Variants in NAALADL2 observed in about 807,000 individuals in gnomAD.
NAALADL2 encodes the protein inactive N-acetylated-alpha-linked acidic dipeptidase-like protein 2.
A neutral mutation model predicts 87.2 loss-of-function variants in NAALADL2; 76 were observed. That is an observed-to-expected ratio of 0.87 (90% CI 0.72 to 1.05). NAALADL2 has a LOEUF of 1.05. Among genes scored for constraint, NAALADL2 ranks in the 50% least tolerant of loss-of-function variants. The pLI is 0.00. For missense variants in NAALADL2, 1,089 were observed against 945.8 expected (o/e 1.15, Z -1.99); for synonymous variants, 354 against 331.0 (o/e 1.07, Z -0.75).
At chr3:174,529,359 G>A (rs1414921971) in intron 1 of NAALADL2, among the ~76,000 whole-genome samples, 1 of 152,178 alleles carries the variant, frequency 6.6e-6, no homozygotes, top group East Asian at 1.9e-4. Context: ...TGGCTCTGCA[G>A]GGTAAAGCCT....
chr3:174,478,887 T>G (rs1717376414), intron 1 of NAALADL2, among the ~76,000 whole-genome samples: 1 of 152,126 alleles, frequency 6.6e-6, no homozygotes, highest in Non-Finnish European at 1.5e-5. Context: ...AATTTGTGTT[T>G]TAGTAGAGAC....
chr3:175,566,143 T>G (rs936514174), intron 9 of NAALADL2, among the ~76,000 whole-genome samples: 2 of 152,152 alleles, frequency 1.3e-5, no homozygotes, highest in African/African-American at 4.8e-5. Context: ...AAAGCCTTTT[T>G]AAAGCCTTTT....
Position 174,540,364 on chromosome 3 carries a change from T to C in NAALADL2, c.-183-10205T>C, listed in dbSNP as rs1192438038. 2.0e-5 allele frequency among the ~76,000 whole-genome samples: 3 copies of C among 152,150 alleles called. No homozygotes were observed. In the East Asian group the frequency reaches 5.8e-4, roughly 29 times the overall value. On this transcript the variant is annotated intron_variant, in intron 1 of 3. Coordinates refer to the NAALADL2 transcript ENST00000434257. ...TTCCTGTGCTTATTCTCTCTGTTGG[T>C]TTCCTTCTTTTGCTTCCACCTCCTC... is the stretch of plus-strand genomic sequence containing the variant.
At chr3:175,173,570 T>A (rs958061353) in intron 2 of NAALADL2, among the ~76,000 whole-genome samples, 4 of 152,228 alleles carry the variant, frequency 2.6e-5, no homozygotes, top group Non-Finnish European at 4.4e-5. Flanking sequence ...ATCTTAAATA[T>A]GAACCTTTAT....
At chr3:174,602,709 T>A (rs368295409) in intron 2 of NAALADL2, among the ~76,000 whole-genome samples, 1 of 152,154 alleles carries the variant, frequency 6.6e-6, no homozygotes, top group East Asian at 1.9e-4. Flanking sequence ...GTATTCCAGA[T>A]CTTAAAAAAG....
chr3:175,785,590 G>A (rs1290811208), intron 13 of NAALADL2, among the ~76,000 whole-genome samples: 26 of 139,268 alleles, frequency 1.9e-4, no homozygotes, highest in South Asian at 7.4e-4. Context: ...TTTTGAGCCT[G>A]TGTGTGTCTC....
intron 11 of NAALADL2, among the ~76,000 whole-genome samples, chr3:175,688,718 T>C (rs1162172090): frequency 1.3e-5 from 2 of 151,982 alleles, no homozygotes; most frequent in Admixed American, 1.3e-4. Flanking sequence ...AGTGGAAAAG[T>C]ACAGGGCACT....
chr3:174,696,037 C>T (rs1578576683), intron 2 of NAALADL2, among the ~76,000 whole-genome samples: 2 of 151,940 alleles, frequency 1.3e-5, no homozygotes, highest in East Asian at 3.9e-4. Context: ...CCTGAGATCT[C>T]CAGTAAGAAA....
chr3:175,412,497 G>A (rs1295513879), intron 5 of NAALADL2, among the ~76,000 whole-genome samples: 2 of 152,124 alleles, frequency 1.3e-5, no homozygotes, highest in African/African-American at 4.8e-5. Flanking sequence ...ACTCTTGCCT[G>A]TTATTATTAG....
chr3:174,676,486 A>G (rs933208805), intron 2 of NAALADL2, among the ~76,000 whole-genome samples: 3 of 152,026 alleles, frequency 2.0e-5, no homozygotes, highest in Non-Finnish European at 4.4e-5. Flanking sequence ...TTACTTACAT[A>G]TGCAAACATT....
chr3:175,794,556 T>C (rs190579832), intron 13 of NAALADL2, among the ~76,000 whole-genome samples: 1 of 152,292 alleles, frequency 6.6e-6, no homozygotes, highest in East Asian at 1.9e-4. Context: ...TGCAGTGGAA[T>C]GGGAGTCTTA....
At chr3:175,186,251 A>G (rs946610023) in intron 2 of NAALADL2, among the ~76,000 whole-genome samples, 4 of 152,048 alleles carry the variant, frequency 2.6e-5, no homozygotes, top group African/African-American at 7.2e-5. Flanking sequence ...TATTACCCCT[A>G]TAGATCCTGA....
At chr3:175,589,563 T>G (rs1056551592) in intron 10 of NAALADL2, among the ~76,000 whole-genome samples, 1 of 151,996 alleles carries the variant, frequency 6.6e-6, no homozygotes, top group Non-Finnish European at 1.5e-5. Flanking sequence ...TTAATATAGC[T>G]TTTCATGTTA....
intron 2 of NAALADL2, among the ~76,000 whole-genome samples, chr3:175,163,398 A>C (rs933043527): frequency 1.3e-5 from 2 of 151,992 alleles, no homozygotes; most frequent in Non-Finnish European, 2.9e-5. Context: ...GTTGTTTGCA[A>C]ATGTAGTTGC....
intron 3 of NAALADL2, among the ~76,000 whole-genome samples, chr3:174,774,760 A>G (rs1258218231): frequency 3.9e-5 from 6 of 152,220 alleles, no homozygotes; most frequent in Non-Finnish European, 8.8e-5. Context: ...TAGATTCTGA[A>G]CATCTTCAGC....
intron 9 of NAALADL2, among the ~76,000 whole-genome samples, chr3:175,514,563 G>C (rs749698259): frequency 2.6e-5 from 4 of 152,096 alleles, no homozygotes; most frequent in Non-Finnish European, 5.9e-5. Flanking sequence ...TCCTTTACCT[G>C]TTTCTGTATT....
At chr3:175,682,349 G>A (rs908262611) in intron 11 of NAALADL2, among the ~76,000 whole-genome samples, 24 of 151,954 alleles carry the variant, frequency 1.6e-4, no homozygotes, top group African/African-American at 5.3e-4. Flanking sequence ...TTTAAAACTT[G>A]GGAATAAAAA....
intron 2 of NAALADL2, among the ~76,000 whole-genome samples, chr3:175,218,301 T>C (rs548607884): frequency 6.6e-6 from 1 of 152,288 alleles, no homozygotes; most frequent in South Asian, 2.1e-4. Context: ...TCAGAGTGTC[T>C]AAAATGCTTC....
chr3:175,288,080 A>G (rs1370430550), intron 4 of NAALADL2, among the ~76,000 whole-genome samples: 2 of 152,030 alleles, frequency 1.3e-5, no homozygotes, highest in African/African-American at 2.4e-5. Flanking sequence ...ACATGTCTAC[A>G]TGTTTTTTTG....
Sources: gnomAD v4.1 joint callset for allele counts (sites outside exome capture counted in the v4.1 genomes callset) on GRCh38, gnomAD v4.1.1 for gene constraint, MANE v1.5 for transcripts, NCBI Gene and HGNC (gene_info 2026-07-23, HGNC 2026-07-21) for gene names.